COL24A1: variants seen among roughly 807,000 people sequenced by gnomAD.
The protein encoded by COL24A1 is collagen alpha-1(XXIV) chain.
Under a neutral mutation model 253.9 loss-of-function variants are expected in COL24A1, and 224 were observed. The ratio of observed to expected loss-of-function variants is 0.88; its 90% CI spans 0.79 to 0.99. The LOEUF is 0.99. Among genes scored for constraint, COL24A1 ranks in the 50% least tolerant of loss-of-function variants. The pLI is 0.00. For synonymous variants in COL24A1, 685 were observed against 673.7 expected, an observed-to-expected ratio of 1.02 and a Z score of -0.26; for missense variants, 2,131 against 2,068.5, an observed-to-expected ratio of 1.03 and a Z score of -0.59.
At chr1:85,788,800 C>T (rs867258631) in intron 47 of COL24A1, among the ~76,000 whole-genome samples, 18 of 152,172 alleles carry the variant, frequency 1.2e-4, no homozygotes, top group Non-Finnish European at 1.8e-4. Flanking sequence ...TCCCCCAGCA[C>T]CATTTATTAA....
chr1:86,042,133 T>C (rs1283777546), intron 12 of COL24A1, among the ~76,000 whole-genome samples: 1 of 152,132 alleles, frequency 6.6e-6, no homozygotes, highest in African/African-American at 2.4e-5. Context: ...ATATTAACTG[T>C]GATTACAGGA....
chr1:85,786,310 G>C, intron 48 of COL24A1, 44 bp downstream of exon 48: 4 of 1,517,910 alleles, frequency 2.6e-6, no homozygotes, highest in African/African-American at 1.4e-5. Flanking sequence ...GGCCAGAAAG[G>C]ATGGCCAATA....
At chr1:85,945,601 C>T (rs1284061363) in intron 24 of COL24A1, among the ~76,000 whole-genome samples, 1 of 147,532 alleles carries the variant, frequency 6.8e-6, no homozygotes, top group Non-Finnish European at 1.5e-5. Context: ...GCCACAGATG[C>T]CAGATAGGTT....
chr1:86,127,458 T>C (rs1648494664), intron 2 of COL24A1, among the ~76,000 whole-genome samples: 1 of 152,054 alleles, frequency 6.6e-6, no homozygotes, highest in African/African-American at 2.4e-5. Flanking sequence ...AATGAATGAA[T>C]TTGTCCCACA....
chr1:85,993,166 T>G (rs1426931479), intron 19 of COL24A1, among the ~76,000 whole-genome samples: 2 of 152,122 alleles, frequency 1.3e-5, no homozygotes, highest in African/African-American at 2.4e-5. Context: ...TTATCATTCT[T>G]ATTTGGCAGT....
At chr1:85,777,782 C>T (rs1668708358) in intron 52 of COL24A1, among the ~76,000 whole-genome samples, 1 of 152,072 alleles carries the variant, frequency 6.6e-6, no homozygotes, top group South Asian at 2.1e-4. Flanking sequence ...AATGAGAGTA[C>T]TGTTTTCTCC....
chr1:85,811,615 T>TTGTA (rs975518728), intron 47 of COL24A1, among the ~76,000 whole-genome samples: 18 of 152,132 alleles, frequency 1.2e-4, no homozygotes, highest in African/African-American at 4.3e-4. Flanking sequence ...TTTTCTGTTT[T>TTGTA]TGTTTGTTTG....
Position 85,735,057 on chromosome 1 carries a change from C to G in COL24A1, c.4783-93G>C, listed in dbSNP as rs540645632. On this transcript the variant is annotated intron_variant, in intron 58 of 59. Coordinates refer to ENST00000370571, the MANE Select transcript of COL24A1 (RefSeq NM_152890.7). ...CTGAGGAAAAGTCCTTCAAAGGCAG[C>G]CTCCAGAAAGCTCCTTTCCTTGGAA... 4 of 1,193,904 alleles carry G rather than the reference C, an allele frequency of 3.4e-6. No homozygotes were observed. In the South Asian group the frequency reaches 5.6e-5, roughly 17 times the overall value. 74.0% of individuals were successfully genotyped at this position (1,193,904 alleles called of 1,614,324 possible). A position where few individuals can be genotyped will look rare whatever the true frequency, so the allele number is the denominator to read the frequency against.
At chr1:85,892,336 C>G (rs1294422230) in intron 31 of COL24A1, among the ~76,000 whole-genome samples, 2 of 151,944 alleles carry the variant, frequency 1.3e-5, no homozygotes, top group Non-Finnish European at 2.9e-5. Flanking sequence ...AAAAATCCCC[C>G]AAAAGACTCT....
At chr1:85,933,170 G>A (rs1355436694) in intron 24 of COL24A1, among the ~76,000 whole-genome samples, 1 of 151,396 alleles carries the variant, frequency 6.6e-6, no homozygotes, top group Non-Finnish European at 1.5e-5. Context: ...TAGTTTAGAT[G>A]ATTATTTTAA....
At chr1:86,009,505 G>A (rs1379787674) in intron 19 of COL24A1, among the ~76,000 whole-genome samples, 4 of 152,124 alleles carry the variant, frequency 2.6e-5, no homozygotes, top group Non-Finnish European at 4.4e-5. Flanking sequence ...GTATGTTACT[G>A]TACTAAATAC....
intron 2 of COL24A1, 51 bp downstream of exon 2, chr1:86,146,068 T>A (rs761968184): frequency 1.4e-6 from 2 of 1,447,476 alleles, no homozygotes; most frequent in Non-Finnish European, 1.9e-6. Context: ...TTTTGCTGTC[T>A]GGAAGTAGAA....
chr1:85,893,464 A>AGACT lies in COL24A1; in HGVS notation c.2922+2390_2922+2393dup, dbSNP rs1683337635. On this transcript the variant is annotated intron_variant, in intron 31 of 59. Transcript: ENST00000370571. ...TTTTACACCCATCTCACAAACTGAT[A>AGACT]GACTATCTAGATAAAAAAAACCTCA... 4.6e-5 allele frequency among the ~76,000 whole-genome samples: 7 copies of AGACT among 152,140 alleles called. No homozygotes were observed. In the South Asian group the frequency reaches 1.4e-3, roughly 31 times the overall value.
chr1:86,135,094 C>T (rs1408215352), intron 2 of COL24A1, among the ~76,000 whole-genome samples: 3 of 151,856 alleles, frequency 2.0e-5, no homozygotes, highest in Non-Finnish European at 4.4e-5. Context: ...ATCCCTTTAC[C>T]ATTACGTAAT....
At chr1:85,834,678 C>A (rs553557953) in intron 43 of COL24A1, among the ~76,000 whole-genome samples, 4 of 152,180 alleles carry the variant, frequency 2.6e-5, no homozygotes, top group Non-Finnish European at 5.9e-5. Context: ...GACTTCATCT[C>A]TCCTAAGTTT....
At chr1:85,754,658 T>G (rs192054119) in intron 55 of COL24A1, among the ~76,000 whole-genome samples, 85 of 151,658 alleles carry the variant, frequency 5.6e-4, no homozygotes, top group Middle Eastern at 6.9e-3. Context: ...ATAGAAATTC[T>G]GAAGTTAAAA....
At chr1:86,056,445 C>A (rs1700668073) in intron 10 of COL24A1, among the ~76,000 whole-genome samples, 1 of 152,148 alleles carries the variant, frequency 6.6e-6, no homozygotes, top group East Asian at 1.9e-4. Context: ...GGGCTGATGG[C>A]AAAATAAAAG....
chr1:85,784,415 A>G (rs757063119), intron 48 of COL24A1, 49 bp from the exon 49 acceptor site: 6 of 1,413,222 alleles, frequency 4.2e-6, no homozygotes, highest in Non-Finnish European at 6.0e-6. Context: ...ACATATAAAC[A>G]TATTGGCTTT....
intron 28 of COL24A1, among the ~76,000 whole-genome samples, chr1:85,906,751 A>G (rs1215240053): frequency 1.3e-5 from 2 of 151,944 alleles, no homozygotes; most frequent in African/African-American, 4.8e-5. Flanking sequence ...GACAATGATG[A>G]TTATAATAAC....
Sources: gnomAD v4.1 joint callset for allele counts (sites outside exome capture counted in the v4.1 genomes callset) on GRCh38, gnomAD v4.1.1 for gene constraint, MANE v1.5 for transcripts, NCBI Gene and HGNC (gene_info 2026-07-23, HGNC 2026-07-21) for gene names.